The following ADGRL4 variants were observed in gnomAD, a reference collection of about 807,000 sequenced individuals.
The protein encoded by ADGRL4 is adhesion G protein-coupled receptor L4, also known as EGF, latrophilin and seven transmembrane domain containing 1.
ADGRL4 carries 90 observed loss-of-function variants against 74.8 expected under a neutral mutation model. That is an observed-to-expected ratio of 1.20 (90% confidence interval 1.02 to 1.43). The LOEUF (loss-of-function observed/expected upper bound fraction) is 1.43. Among genes scored for constraint, ADGRL4 ranks in the 40% most tolerant of loss-of-function variants. The probability of loss-of-function intolerance (pLI) is 0.00; values close to 1 mark genes in which losing one functional copy is unlikely to be tolerated. For synonymous variants in ADGRL4, 311 were observed against 279.2 expected, an observed-to-expected ratio of 1.11 and a Z score of -1.14; for missense variants, 881 against 814.3, an observed-to-expected ratio of 1.08 and a Z score of -1.00.
chr1:78,947,125 A>G (rs546611559), intron 2 of ADGRL4, among the ~76,000 whole-genome samples: 21 of 152,286 alleles, frequency 1.4e-4, no homozygotes, highest in African/African-American at 1.7e-4. Context: ...TGCTTCTCAG[A>G]GATGATCATA....
intron 3 of ADGRL4, among the ~76,000 whole-genome samples, chr1:78,942,366 C>T (rs1649504757): frequency 6.6e-6 from 1 of 151,986 alleles, no homozygotes; most frequent in Admixed American, 6.6e-5. Context: ...AGCCTTGTGA[C>T]TAAGTATGTT....
chr1:78,941,657 T>A (rs1649484609), intron 3 of ADGRL4, among the ~76,000 whole-genome samples: 1 of 152,050 alleles, frequency 6.6e-6, no homozygotes, highest in Admixed American at 6.5e-5. Flanking sequence ...TCAATTTCCA[T>A]CCTCCTTCTT....
At chr1:78,915,856 T>C (rs1344744826) in intron 12 of ADGRL4, among the ~76,000 whole-genome samples, 1 of 151,866 alleles carries the variant, frequency 6.6e-6, no homozygotes, top group Non-Finnish European at 1.5e-5. Flanking sequence ...AGATAAATAA[T>C]TCACTTTGAT....
chr1:78,998,604 G>C (rs1409471329), intron 2 of ADGRL4, among the ~76,000 whole-genome samples: 1 of 152,006 alleles, frequency 6.6e-6, no homozygotes, highest in Non-Finnish European at 1.5e-5. Context: ...TCGACATGGT[G>C]ACCCACCTGC....
chr1:78,927,554 G>A (rs1649144757), intron 7 of ADGRL4, among the ~76,000 whole-genome samples: 2 of 152,180 alleles, frequency 1.3e-5, no homozygotes, highest in South Asian at 2.1e-4. Context: ...GAGTTCAAAT[G>A]TATGCCCACT....
intron 10 of ADGRL4, among the ~76,000 whole-genome samples, chr1:78,919,503 C>T (rs1484867166): frequency 6.6e-6 from 1 of 151,902 alleles, no homozygotes; most frequent in South Asian, 2.1e-4. Flanking sequence ...GCTGACTTTT[C>T]CTTAGAACTG....
At chr1:78,951,408 T>C (rs546343081) in intron 2 of ADGRL4, among the ~76,000 whole-genome samples, 3 of 152,160 alleles carry the variant, frequency 2.0e-5, no homozygotes, top group Non-Finnish European at 2.9e-5. Flanking sequence ...TTTCACATGG[T>C]TCAGCCCAAC....
intron 2 of ADGRL4, among the ~76,000 whole-genome samples, chr1:78,958,503 A>G (rs900255728): frequency 6.6e-6 from 1 of 152,158 alleles, no homozygotes; most frequent in Admixed American, 6.6e-5. Flanking sequence ...TCAAGACTTC[A>G]GTGGAGGAAG....
chr1:78,970,285 A>T (rs1650144319), intron 2 of ADGRL4, among the ~76,000 whole-genome samples: 1 of 152,236 alleles, frequency 6.6e-6, no homozygotes, highest in Non-Finnish European at 1.5e-5. Flanking sequence ...ATGACAACAG[A>T]TGTTAAAAGG....
At chr1:78,910,280 T>C (rs890348494) in intron 12 of ADGRL4, among the ~76,000 whole-genome samples, 2 of 151,816 alleles carry the variant, frequency 1.3e-5, no homozygotes, top group South Asian at 2.1e-4. Context: ...AAAATTCATT[T>C]TGAGTAGGTT....
At chr1:78,907,115 T>G (rs1648660929) in intron 12 of ADGRL4, among the ~76,000 whole-genome samples, 1 of 152,020 alleles carries the variant, frequency 6.6e-6, no homozygotes, top group African/African-American at 2.4e-5. Context: ...TTCATTCAGT[T>G]AAGTGTAAAA....
Position 79,005,275 on chromosome 1 carries a change from A to G in ADGRL4, c.23-56T>C, listed in dbSNP as rs1416317242. The G allele has an allele frequency of 3.1e-6, 4 of 1,310,996 alleles. No homozygotes were observed. In the African/African-American group the frequency reaches 6.0e-5, roughly 20 times the overall value. 81.2% of individuals were successfully genotyped at this position (1,310,996 alleles called of 1,614,324 possible). ...AAAAGTAAAACAAACATCTCTCCCC[A>G]TTGTTGAATTAGAGTATAATAAACA... is the stretch of plus-strand genomic sequence containing the variant. On this transcript the variant is annotated intron_variant, in intron 1 of 14. Coordinates refer to ENST00000370742, the MANE Select transcript of ADGRL4 (RefSeq NM_022159.4).
At chr1:78,970,442 T>C (rs746876568) in intron 2 of ADGRL4, among the ~76,000 whole-genome samples, 1 of 152,190 alleles carries the variant, frequency 6.6e-6, no homozygotes, top group Non-Finnish European at 1.5e-5. Flanking sequence ...GATAGAGACA[T>C]AGGTGAGAGT....
chr1:78,906,552 C>T (rs2100659295), intron 12 of ADGRL4, among the ~76,000 whole-genome samples: 1 of 152,046 alleles, frequency 6.6e-6, no homozygotes, highest in East Asian at 1.9e-4. Context: ...AGGAGAACAA[C>T]TGTATGTGAA....
chr1:78,922,970 G>C lies in ADGRL4; in HGVS notation c.1084-1184C>G, dbSNP rs573764106. On this transcript the variant is annotated intron_variant, in intron 8 of 14. Coordinates refer to ENST00000370742, the MANE Select transcript of ADGRL4 (RefSeq NM_022159.4). ...ATACAATAAGATAATTGTTTTAATG[G>C]GATAGATGCTAAATACAACCCTTAG... is the stretch of plus-strand genomic sequence containing the variant. Among the ~76,000 whole-genome samples, 17 of 152,012 alleles carry C rather than the reference G, an allele frequency of 1.1e-4. 1 individual carries two copies. Among genetic ancestry groups the C allele is most frequent in the Admixed American group, 1.1e-3 (16 of 15,228 alleles).
At chr1:78,960,402 C>T (rs536449901) in intron 2 of ADGRL4, among the ~76,000 whole-genome samples, 1 of 151,910 alleles carries the variant, frequency 6.6e-6, no homozygotes, top group South Asian at 2.1e-4. Context: ...TAGAACATAC[C>T]ATAAATTTGA....
chr1:78,907,672 AAT>A (rs1648674190), intron 12 of ADGRL4, among the ~76,000 whole-genome samples: 1 of 151,958 alleles, frequency 6.6e-6, no homozygotes. Flanking sequence ...CTGAAAGACA[AAT>A]GAGTGGTAAC....
chr1:78,977,149 A>C (rs927745752), intron 2 of ADGRL4, among the ~76,000 whole-genome samples: 6 of 151,796 alleles, frequency 4.0e-5, no homozygotes, highest in Admixed American at 3.9e-4. Context: ...ATAATTCACT[A>C]TATTGACAAA....
chr1:78,990,562 T>A (rs1650587233), intron 2 of ADGRL4, among the ~76,000 whole-genome samples: 1 of 151,954 alleles, frequency 6.6e-6, no homozygotes, highest in African/African-American at 2.4e-5. Flanking sequence ...AGGAGAAGTA[T>A]AAAGGGATTG....
Sources: allele counts gnomAD v4.1 joint callset (sites outside exome capture counted in the v4.1 genomes callset), GRCh38; gene constraint gnomAD v4.1.1; transcripts MANE v1.5; gene names NCBI Gene and HGNC (gene_info 2026-07-23, HGNC 2026-07-21).